MED12L: variants seen among roughly 807,000 people sequenced by gnomAD.
MED12L encodes the protein mediator of RNA polymerase II transcription subunit 12-like protein.
Under a neutral mutation model 281.3 loss-of-function variants are expected in MED12L, and 60 were observed. The observed-to-expected ratio is 0.21, with a 90% CI of 0.17 to 0.26. The LOEUF (loss-of-function observed/expected upper bound fraction) is 0.26. MED12L is among the 10% of genes least tolerant of loss of function. The pLI is 1.00. For missense variants in MED12L, 2,146 were observed against 2,680.9 expected (o/e 0.80, Z 4.41); for synonymous variants, 974 against 987.2 (o/e 0.99, Z 0.25).
At chr3:151,199,365 A>G in intron 16 of MED12L, 1 of 1,611,218 alleles carries the variant, frequency 6.2e-7, no homozygotes, top group Non-Finnish European at 8.5e-7. Flanking sequence ...TAAACTGGGC[A>G]GAAGAACGAA....
In MED12L at chr3:151,373,870, C is replaced by T. The variant is rs940040132; in HGVS notation, c.3864+1104C>T. Among the ~76,000 whole-genome samples the T allele has an allele frequency of 2.6e-5, 4 of 152,230 alleles. No individual in the cohort carries two copies. The East Asian group carries it at 5.8e-4, about 22-fold the overall frequency. The stretch of plus-strand genomic sequence containing the variant: ...GCCCTTGGTTCTATTTAGCAGAGAA[C>T]GTTACTGAGAAACCAAGATCTGGGT... On this transcript the variant is annotated intron_variant, in intron 27 of 44. Transcript: ENST00000687756.
rs965842 is a variant in MED12L at position 151,105,657 on chromosome 3, T to C, written c.100-10681T>C. 1.1e-4 allele frequency among the ~76,000 whole-genome samples: 16 copies of C among 152,346 alleles called. No individual in the cohort carries two copies. The East Asian group carries it at 1.2e-3, about 11-fold the overall frequency. On this transcript the variant is annotated intron_variant, in intron 2 of 44. Transcript: ENST00000687756. ...TCAATACTGGATTTTTCCCAGGGTCTGTCTTAGGTCCTGGTCTTTTCTCAC... is the reference window on the plus strand; with the variant it reads ...TCAATACTGGATTTTTCCCAGGGTCCGTCTTAGGTCCTGGTCTTTTCTCAC...
At chr3:151,191,633 AC>A (rs1268538469) in intron 14 of MED12L, among the ~76,000 whole-genome samples, 7 of 152,196 alleles carry the variant, frequency 4.6e-5, no homozygotes, top group African/African-American at 1.7e-4. Flanking sequence ...TAGCCTGGGC[AC>A]GGTGGCTGAT....
chr3:151,198,928 G>C lies in MED12L; in HGVS notation c.2250+5262G>C, dbSNP rs778377744. 3 of 1,613,854 alleles carry C rather than the reference G, an allele frequency of 1.9e-6. No homozygotes were observed. In the Admixed American group the frequency reaches 5.0e-5, roughly 27 times the overall value. ...TTGACTTTTCCTTGATGTCTTTGAT[G>C]GGAATCATCATATTTGGCACCATTA... On this transcript the variant is annotated intron_variant, in intron 16 of 44. Transcript: ENST00000687756.
At chr3:151,141,965 C>T (rs1220692041) in intron 5 of MED12L, among the ~76,000 whole-genome samples, 2 of 152,142 alleles carry the variant, frequency 1.3e-5, no homozygotes, top group Admixed American at 1.3e-4. Flanking sequence ...TTAATAAGAA[C>T]CTTGATTTAA....
At chr3:151,092,890 G>A (rs1418366695) in intron 2 of MED12L, among the ~76,000 whole-genome samples, 1 of 152,184 alleles carries the variant, frequency 6.6e-6, no homozygotes, top group Admixed American at 6.5e-5. Context: ...CTTAGGAGAG[G>A]AGCAGTGTAG....
At chr3:151,130,713 C>A (rs1289877800) in intron 5 of MED12L, among the ~76,000 whole-genome samples, 3 of 152,216 alleles carry the variant, frequency 2.0e-5, no homozygotes, top group Non-Finnish European at 4.4e-5. Flanking sequence ...TCCCTTGCTC[C>A]ACTGTGGTCT....
intron 16 of MED12L, among the ~76,000 whole-genome samples, chr3:151,272,883 G>A (rs1400616171): frequency 6.6e-6 from 1 of 152,136 alleles, no homozygotes; most frequent in African/African-American, 2.4e-5. Flanking sequence ...GCAGGGAGAG[G>A]TTAAGGAACA....
chr3:151,436,230 T>TATAAACCACAAAATATTTATACATC lies in MED12L; in HGVS notation c.*3428_*3452dup, dbSNP rs1171220451. ...TTCTGTAGGTTTTAGCAAAAAAATT[T>TATAAACCACAAAATATTTATACATC]ATAAACCACAAAATATTTATACATC... On this transcript the variant is annotated 3_prime_UTR_variant, in exon 45 of 45. Transcript: ENST00000687756. 2 of 153,826 alleles carry TATAAACCACAAAATATTTATACATC rather than the reference T, an allele frequency of 1.3e-5. No homozygotes were observed. Among genetic ancestry groups the TATAAACCACAAAATATTTATACATC allele is most frequent in the Non-Finnish European group, 2.9e-5 (2 of 69,100 alleles). The allele number at this position is 153,826 out of a possible 1,614,324, so 9.5% of individuals were successfully genotyped here. A position where few individuals can be genotyped will look rare whatever the true frequency, so the allele number is the denominator to read the frequency against.
chr3:151,196,345 T>G (rs1409066701), intron 16 of MED12L, among the ~76,000 whole-genome samples: 1 of 152,182 alleles, frequency 6.6e-6, no homozygotes, highest in Non-Finnish European at 1.5e-5. Context: ...AACACTGACT[T>G]TAGGAATGCT....
intron 16 of MED12L, among the ~76,000 whole-genome samples, chr3:151,315,812 A>T (rs1748148384): frequency 6.6e-6 from 1 of 152,238 alleles, no homozygotes; most frequent in African/African-American, 2.4e-5. Flanking sequence ...TACCTAAAAT[A>T]AAAGCAGATT....
intron 39 of MED12L, among the ~76,000 whole-genome samples, chr3:151,398,021 T>C (rs912204524): frequency 6.6e-6 from 1 of 152,228 alleles, no homozygotes; most frequent in Non-Finnish European, 1.5e-5. Context: ...GGTCAGACAC[T>C]GGGCTGTATA....
chr3:151,178,180 A>AAAAAAAAAAAAAAG (rs1560124043), intron 11 of MED12L, among the ~76,000 whole-genome samples: 6 of 151,262 alleles, frequency 4.0e-5, no homozygotes, highest in African/African-American at 1.5e-4. Flanking sequence ...AAAAAAAAAA[A>AAAAAAAAAAAAAAG]AAAAGAAAGT....
intron 36 of MED12L, 90 bp from the exon 37 acceptor site, chr3:151,387,720 G>A: frequency 6.8e-7 from 1 of 1,476,312 alleles, no homozygotes; most frequent in East Asian, 2.3e-5. Flanking sequence ...GCCAGCCAAA[G>A]TGTTCTCTGA....
chr3:151,319,468 CGTGTGTGT>C (rs34335179), intron 16 of MED12L, among the ~76,000 whole-genome samples: 34,846 of 145,530 alleles, frequency 0.24, 4,299 homozygotes, highest in South Asian at 0.28. Context: ...TGTGTGTGTG[CGTGTGTGT>C]GTGTGTGTGT....
intron 35 of MED12L, among the ~76,000 whole-genome samples, 176 bp downstream of exon 35, chr3:151,384,394 C>T (rs925432728): frequency 1.4e-4 from 22 of 152,074 alleles, no homozygotes; most frequent in African/African-American, 5.3e-4. Flanking sequence ...ATGCACATAA[C>T]CTTGATTATT....
At chr3:151,299,379 T>TCTTTTCTTTTCTTTTCTTTTCTTTC (rs1745571611) in intron 16 of MED12L, among the ~76,000 whole-genome samples, 2 of 138,950 alleles carry the variant, frequency 1.4e-5, no homozygotes, top group Non-Finnish European at 3.1e-5. Flanking sequence ...TCTTTTCTTT[T>TCTTTTCTTTTCTTTTCTTTTCTTTC]CTTTTCTTTT....
At chr3:151,208,467 A>G (rs923766459) in intron 16 of MED12L, among the ~76,000 whole-genome samples, 1 of 152,156 alleles carries the variant, frequency 6.6e-6, no homozygotes, top group Admixed American at 6.5e-5. Context: ...GGATCACCGG[A>G]GGTCGGGAGT....
intron 16 of MED12L, among the ~76,000 whole-genome samples, chr3:151,223,637 G>A (rs550026341): frequency 1.5e-4 from 23 of 152,210 alleles, no homozygotes; most frequent in Admixed American, 2.0e-4. Context: ...ACTAAACATT[G>A]GATACACATG....
Sources: allele counts gnomAD v4.1 joint callset (sites outside exome capture counted in the v4.1 genomes callset), GRCh38; gene constraint gnomAD v4.1.1; transcripts MANE v1.5; gene names NCBI Gene and HGNC (gene_info 2026-07-23, HGNC 2026-07-21).